The following KRT8 variants were observed in gnomAD, a reference collection of about 807,000 sequenced individuals.
KRT8 encodes keratin, type II cytoskeletal 8.
KRT8 carries 24 observed loss-of-function variants against 43.0 expected under a neutral mutation model. That is an observed-to-expected ratio of 0.56 (90% CI 0.40 to 0.78). The LOEUF (loss-of-function observed/expected upper bound fraction) is 0.78, where lower values mean the gene tolerates loss of function less well. Among genes scored for constraint, KRT8 ranks in the 30% least tolerant of loss-of-function variants. The pLI is 0.00. For synonymous variants in KRT8, 214 were observed against 261.2 expected, an observed-to-expected ratio of 0.82 and a Z score of 1.74; for missense variants, 492 against 638.4, an observed-to-expected ratio of 0.77 and a Z score of 2.47.
chr12:52,931,086 G>A (rs987984170), intron 2 of KRT8, among the ~76,000 whole-genome samples: 16 of 105,248 alleles, frequency 1.5e-4, no homozygotes, highest in African/African-American at 6.0e-4. Flanking sequence ...TTTTTTTTTT[G>A]AGACAGAGTG....
upstream of KRT8, among the ~76,000 whole-genome samples, chr12:52,911,545 CA>C (rs907149662): frequency 2.0e-4 from 31 of 151,516 alleles, 3 homozygotes; most frequent in East Asian, 1.2e-3. Context: ...ACATACAGTG[CA>C]AAAAAAATGC....
intron 2 of KRT8, among the ~76,000 whole-genome samples, chr12:52,934,982 A>T (rs1317621012): frequency 1.3e-5 from 2 of 151,812 alleles, no homozygotes; most frequent in Admixed American, 1.3e-4. Context: ...AAAAAAAAGG[A>T]TAGATACATC....
At chr12:52,937,365 T>G (rs1238953966) in intron 2 of KRT8, among the ~76,000 whole-genome samples, 1 of 143,780 alleles carries the variant, frequency 7.0e-6, no homozygotes, top group Non-Finnish European at 1.5e-5. Context: ...AGAACAAGAC[T>G]CGGTCTCTAA....
At chr12:52,936,412 A>G (rs1045813886) in intron 2 of KRT8, among the ~76,000 whole-genome samples, 1 of 152,048 alleles carries the variant, frequency 6.6e-6, no homozygotes, top group African/African-American at 2.4e-5. Context: ...GCACTTTTGA[A>G]GCTGAGACTA....
intron 1 of KRT8, among the ~76,000 whole-genome samples, chr12:52,903,173 C>G (rs906265084): frequency 6.6e-5 from 10 of 152,164 alleles, no homozygotes; most frequent in Admixed American, 1.3e-4. Flanking sequence ...AACATCTTAT[C>G]CTAATGGAAT....
chr12:52,938,428 A>G (rs1482509526), intron 2 of KRT8, among the ~76,000 whole-genome samples: 1 of 151,396 alleles, frequency 6.6e-6, no homozygotes, highest in African/African-American at 2.4e-5. Context: ...CGGCCTCCCA[A>G]AGTGCTGTGA....
intron 6 of KRT8, 24 bp downstream of exon 6, chr12:52,898,655 C>A (rs1232208380): frequency 1.2e-6 from 2 of 1,614,016 alleles, no homozygotes; most frequent in East Asian, 4.5e-5. Context: ...GGAAGCAGGT[C>A]CGGTCAGAGG....
intron 3 of KRT8, 68 bp from the exon 4 acceptor site, chr12:52,900,751 G>A (rs1941348624): frequency 9.2e-7 from 1 of 1,089,012 alleles, no homozygotes; most frequent in Admixed American, 1.7e-5. Flanking sequence ...GGGCTCCCAA[G>A]GTCCACCCAA....
intron 2 of KRT8, among the ~76,000 whole-genome samples, chr12:52,915,560 A>T (rs1032030745): frequency 6.6e-6 from 1 of 151,648 alleles, no homozygotes; most frequent in Non-Finnish European, 1.5e-5. Context: ...ATACAAAAAA[A>T]TCAGCCGAGC....
At chr12:52,904,880 G>C (rs1158806302) in exon 1 of KRT8, 1 of 1,612,900 alleles carries the variant, frequency 6.2e-7, no homozygotes, top group South Asian at 1.1e-5. Context: ...AGCTCGAGGA[G>C]CTGATGCGGG....
chr12:52,924,373 C>T (rs1162834868), intron 2 of KRT8, among the ~76,000 whole-genome samples: 2 of 151,106 alleles, frequency 1.3e-5, no homozygotes, highest in East Asian at 2.0e-4. Context: ...GGCATGAACC[C>T]GGGAGGCGGA....
chr12:52,920,841 C>T (rs1421186632), intron 2 of KRT8, among the ~76,000 whole-genome samples: 1 of 152,182 alleles, frequency 6.6e-6, no homozygotes, highest in East Asian at 1.9e-4. Flanking sequence ...GAGTTCAAGA[C>T]CAGCCTGGAC....
chr12:52,938,899 G>A lies in KRT8; in HGVS notation c.-47+10557C>T, dbSNP rs149545639. Among the ~76,000 whole-genome samples the A allele has an allele frequency of 7.7e-3, 1,175 of 152,182 alleles. 16 individuals carry two copies. Among genetic ancestry groups the A allele is most frequent in the African/African-American group, 0.027 (1,112 of 41,536 alleles). ...CCCAAAGTGCTGGGCTTACAGGCGT[G>A]AGCCACCGCGCCTGGCCTACAAATG... On this transcript the variant is annotated intron_variant, in intron 2 of 6. Coordinates refer to the KRT8 transcript ENST00000546826.
intron 2 of KRT8, among the ~76,000 whole-genome samples, chr12:52,913,655 C>T (rs1209190901): frequency 6.6e-6 from 1 of 151,700 alleles, no homozygotes; most frequent in Non-Finnish European, 1.5e-5. Flanking sequence ...CTCTCAGGTT[C>T]ACACACACCC....
chr12:52,905,717 ACG>A (rs1483169399), upstream of KRT8, among the ~76,000 whole-genome samples: 1,221 of 81,824 alleles, frequency 0.015, 11 homozygotes, highest in African/African-American at 0.078. Flanking sequence ...TAAACATCAC[ACG>A]CGCACACACA....
intron 2 of KRT8, among the ~76,000 whole-genome samples, chr12:52,922,009 C>A (rs752674325): frequency 1.3e-5 from 2 of 151,124 alleles, no homozygotes; most frequent in Admixed American, 1.3e-4. Context: ...ATACCCCTCT[C>A]CCCCACAAAA....
intron 1 of KRT8, among the ~76,000 whole-genome samples, chr12:52,904,417 G>T (rs1941459877): frequency 6.6e-6 from 1 of 152,154 alleles, no homozygotes; most frequent in Admixed American, 6.5e-5. Flanking sequence ...AGACCCTCCA[G>T]TTTAAAAGGG....
chr12:52,929,482 C>G (rs566414177), intron 2 of KRT8, among the ~76,000 whole-genome samples: 34 of 152,340 alleles, frequency 2.2e-4, no homozygotes, highest in Admixed American at 2.2e-3. Flanking sequence ...GCGTGAGCCA[C>G]CTCGTCCAAC....
chr12:52,900,129 A>G, intron 4 of KRT8, 64 bp from the exon 5 acceptor site: 1 of 1,551,342 alleles, frequency 6.4e-7, no homozygotes, highest in South Asian at 1.1e-5. Context: ...CCTTTTCCAC[A>G]ACAGCCTTTC....
Sources: allele counts gnomAD v4.1 joint callset (sites outside exome capture counted in the v4.1 genomes callset), GRCh38; gene constraint gnomAD v4.1.1; transcripts MANE v1.5; gene names NCBI Gene and HGNC (gene_info 2026-07-23, HGNC 2026-07-21).